Variants in ABHD3 observed in about 807,000 individuals in gnomAD.
The protein encoded by ABHD3 is phospholipase ABHD3.
In ABHD3, 46 loss-of-function variants were observed where a neutral mutation model predicts 48.8. The ratio of observed to expected loss-of-function variants is 0.94; its 90% CI spans 0.74 to 1.20. The LOEUF (loss-of-function observed/expected upper bound fraction) is 1.20. ABHD3 is among the 50% of genes most tolerant of loss of function. The pLI is 0.00. For synonymous variants in ABHD3, 192 were observed against 183.7 expected, an observed-to-expected ratio of 1.04 and a Z score of -0.36; for missense variants, 490 against 497.8, an observed-to-expected ratio of 0.98 and a Z score of 0.15.
chr18:21,658,254 A>G (rs2045742774), intron 6 of ABHD3, among the ~76,000 whole-genome samples: 1 of 152,140 alleles, frequency 6.6e-6, no homozygotes, highest in African/African-American at 2.4e-5. Flanking sequence ...ACAATTCCAG[A>G]GAAAACTAAT....
intron 4 of ABHD3, among the ~76,000 whole-genome samples, chr18:21,669,004 C>T (rs1161202057): frequency 2.0e-5 from 3 of 152,112 alleles, no homozygotes; most frequent in Non-Finnish European, 2.9e-5. Context: ...GGGCCAATCG[C>T]TTGAGCCCAG....
intron 5 of ABHD3, chr18:21,663,717 G>A: frequency 1.3e-6 from 2 of 1,535,636 alleles, no homozygotes; most frequent in Non-Finnish European, 1.7e-6. Context: ...CAGCTGGAGA[G>A]AGCAATAAGT....
intron 6 of ABHD3, 90 bp downstream of exon 6, chr18:21,659,080 C>A (rs2146283142): frequency 7.6e-7 from 1 of 1,311,202 alleles, no homozygotes; most frequent in South Asian, 1.4e-5. Flanking sequence ...ACCTCGTGAT[C>A]CCCCCGCCTC....
intron 4 of ABHD3, chr18:21,682,883 A>G (rs1374552145): frequency 1.3e-5 from 2 of 152,206 alleles, no homozygotes; most frequent in Non-Finnish European, 1.5e-5. Flanking sequence ...GCTGGATTGA[A>G]TGAGAAAACG....
intron 4 of ABHD3, 127 bp downstream of exon 4, chr18:21,683,793 T>C (rs2040062762): frequency 1.1e-6 from 1 of 937,442 alleles, no homozygotes; most frequent in African/African-American, 1.7e-5. Flanking sequence ...TATCTGTATT[T>C]TTGTATAATA....
At chr18:21,689,244 T>C (rs555534901) in intron 3 of ABHD3, among the ~76,000 whole-genome samples, 1 of 152,038 alleles carries the variant, frequency 6.6e-6, no homozygotes, top group South Asian at 2.1e-4. Flanking sequence ...TAAATAAAAG[T>C]TGGATAGAAA....
rs761525166 is a variant in ABHD3, at chr18:21,695,763, C to T, written c.509+6553G>A. Among the ~76,000 whole-genome samples, 127 of 152,182 alleles carry T rather than the reference C, an allele frequency of 8.3e-4. 1 individual carries two copies. Among genetic ancestry groups the T allele is most frequent in the Non-Finnish European group, 1.5e-3 (103 of 68,012 alleles). On this transcript the variant is annotated intron_variant, in intron 3 of 8. Transcript: ENST00000289119. ...TTACATGAGAGAAATAAGTTTATAC[C>T]GTCACTACTATTTTGAGTTTTTTGT...
At chr18:21,678,443 A>G (rs968709304) in intron 4 of ABHD3, among the ~76,000 whole-genome samples, 2 of 152,144 alleles carry the variant, frequency 1.3e-5, no homozygotes, top group African/African-American at 2.4e-5. Flanking sequence ...CCAAGATCCT[A>G]TAACTTTACA....
intron 8 of ABHD3, among the ~76,000 whole-genome samples, chr18:21,654,642 C>G (rs896593293): frequency 6.6e-6 from 1 of 152,176 alleles, no homozygotes. Context: ...TAGAGTGTTT[C>G]ATTTGCCTCT....
Position 21,695,068 on chromosome 18 carries a change from T to C in ABHD3, c.509+7248A>G, listed in dbSNP as rs559949030. 2.6e-5 allele frequency among the ~76,000 whole-genome samples: 4 copies of C among 152,248 alleles called. No individual in the cohort carries two copies. In the East Asian group the frequency reaches 5.8e-4, roughly 22 times the overall value. On this transcript the variant is annotated intron_variant, in intron 3 of 8. Coordinates refer to ENST00000289119, the MANE Select transcript of ABHD3 (RefSeq NM_138340.5). ...TTTTTTTGAGATGGAGTCTCGCTCT[T>C]GTCATCCAGGCTGGAGTGCAATGGA...
chr18:21,672,961 CCT>C (rs1317088014), intron 4 of ABHD3, among the ~76,000 whole-genome samples: 1 of 152,184 alleles, frequency 6.6e-6, no homozygotes, highest in Admixed American at 6.6e-5. Flanking sequence ...TTGAGGCTGG[CCT>C]CTGTGTCACA....
chr18:21,697,352 C>T (rs1043773118), intron 3 of ABHD3, among the ~76,000 whole-genome samples: 2 of 151,790 alleles, frequency 1.3e-5, no homozygotes, highest in Non-Finnish European at 2.9e-5. Context: ...GGATTATAGG[C>T]GTGAGCTACC....
intron 4 of ABHD3, among the ~76,000 whole-genome samples, chr18:21,673,852 C>T (rs536656630): frequency 2.6e-5 from 4 of 152,056 alleles, no homozygotes; most frequent in Admixed American, 6.6e-5. Flanking sequence ...GCAATCCACC[C>T]GCCTCGGCCT....
At chr18:21,664,403 C>A in intron 4 of ABHD3, 173 bp from the exon 5 acceptor site, 7 of 591,854 alleles carry the variant, frequency 1.2e-5, no homozygotes, top group Middle Eastern at 4.6e-4. Context: ...CACATACATG[C>A]CATTTAAAGT....
intron 3 of ABHD3, among the ~76,000 whole-genome samples, chr18:21,693,466 A>G (rs2040298399): frequency 6.6e-6 from 1 of 152,200 alleles, no homozygotes; most frequent in Non-Finnish European, 1.5e-5. Context: ...CTAAGCTGTA[A>G]CACTCAGGTC....
Position 21,679,502 on chromosome 18 carries a change from G to A in ABHD3, c.555+4418C>T, listed in dbSNP as rs76757803. On this transcript the variant is annotated intron_variant, in intron 4 of 8. Coordinates refer to ENST00000289119, the MANE Select transcript of ABHD3 (RefSeq NM_138340.5). ...TAATACAGTAGTAGTTATGCCTTGG[G>A]TTATAAAAAACTTTTTTTAATTTTA... is the stretch of plus-strand genomic sequence containing the variant. Among the ~76,000 whole-genome samples, 50 of 152,280 alleles carry A rather than the reference G, an allele frequency of 3.3e-4. No individual in the cohort carries two copies. In the East Asian group the frequency reaches 9.7e-3, roughly 29 times the overall value.
At chr18:21,675,566 C>T (rs938586006) in intron 4 of ABHD3, among the ~76,000 whole-genome samples, 28 of 151,988 alleles carry the variant, frequency 1.8e-4, no homozygotes, top group African/African-American at 5.6e-4. Flanking sequence ...CGCACCCAGC[C>T]TGAGGTGGTT....
intron 3 of ABHD3, among the ~76,000 whole-genome samples, chr18:21,694,921 A>C (rs986962728): frequency 6.6e-6 from 1 of 152,124 alleles, no homozygotes; most frequent in Non-Finnish European, 1.5e-5. Context: ...CCAACTCTTG[A>C]CTACTCAGCG....
intron 4 of ABHD3, among the ~76,000 whole-genome samples, chr18:21,666,354 T>C (rs1396971516): frequency 6.6e-6 from 1 of 152,128 alleles, no homozygotes; most frequent in Non-Finnish European, 1.5e-5. Context: ...CCACCACGCC[T>C]GGCTAATTTT....
Sources: gnomAD v4.1 joint callset for allele counts (sites outside exome capture counted in the v4.1 genomes callset) on GRCh38, gnomAD v4.1.1 for gene constraint, MANE v1.5 for transcripts, NCBI Gene and HGNC (gene_info 2026-07-23, HGNC 2026-07-21) for gene names.